Variants in MDGA2 observed in about 807,000 individuals in gnomAD.
MDGA2 encodes the protein MAM domain containing glycosylphosphatidylinositol anchor 2, also known as MAM domain-containing glycosylphosphatidylinositol anchor protein 2.
In MDGA2, 40 loss-of-function variants were observed where a neutral mutation model predicts 117.8. The ratio of observed to expected loss-of-function variants is 0.34; its 90% CI spans 0.26 to 0.44. MDGA2 has a LOEUF of 0.44. Among genes scored for constraint, MDGA2 ranks in the 20% least tolerant of loss-of-function variants. MDGA2 has a pLI of 1.00. For synonymous variants in MDGA2, 452 were observed against 439.0 expected (o/e 1.03, Z -0.37); for missense variants, 1,123 against 1,250.6 (o/e 0.90, Z 1.54).
chr14:47,053,190 C>T (rs1889517641), intron 7 of MDGA2, among the ~76,000 whole-genome samples: 1 of 151,858 alleles, frequency 6.6e-6, no homozygotes, highest in Non-Finnish European at 1.5e-5. Context: ...ATCAGTCATT[C>T]TCATTTGCTT....
chr14:46,893,158 C>T (rs1882945715), intron 10 of MDGA2, among the ~76,000 whole-genome samples: 2 of 151,826 alleles, frequency 1.3e-5, no homozygotes, highest in Admixed American at 6.6e-5. Flanking sequence ...TTGAATATTA[C>T]CCAGCTTTAA....
At chr14:47,472,731 G>A (rs1488134639) in intron 1 of MDGA2, among the ~76,000 whole-genome samples, 1 of 152,134 alleles carries the variant, frequency 6.6e-6, no homozygotes, top group African/African-American at 2.4e-5. Flanking sequence ...TTTAATGCAA[G>A]AAGCTGTGGA....
chr14:47,593,445 G>A (rs574470405), intron 1 of MDGA2, among the ~76,000 whole-genome samples: 9 of 152,144 alleles, frequency 5.9e-5, no homozygotes, highest in South Asian at 4.1e-4. Context: ...TTCACGCCAC[G>A]CTATTCACAT....
chr14:47,170,929 T>C (rs1184043182), intron 3 of MDGA2, among the ~76,000 whole-genome samples: 2 of 152,170 alleles, frequency 1.3e-5, no homozygotes, highest in Admixed American at 1.3e-4. Flanking sequence ...AAACTTTAAA[T>C]GTTTCGCTTT....
intron 1 of MDGA2, among the ~76,000 whole-genome samples, chr14:47,673,541 G>C (rs1028939801): frequency 4.0e-5 from 6 of 151,822 alleles, no homozygotes; most frequent in African/African-American, 1.5e-4. Context: ...CCTCCCACCA[G>C]ACCTCAAAAA....
At chr14:46,940,162 T>TAC (rs1241731001) in intron 9 of MDGA2, among the ~76,000 whole-genome samples, 13 of 152,182 alleles carry the variant, frequency 8.5e-5, no homozygotes. Flanking sequence ...ATTTGCTATA[T>TAC]CACTATTTGA....
intron 8 of MDGA2, among the ~76,000 whole-genome samples, chr14:46,958,944 T>C (rs1885672793): frequency 6.6e-6 from 1 of 152,238 alleles, no homozygotes; most frequent in Admixed American, 6.5e-5. Context: ...GATATGTATC[T>C]ATTGGGCCAA....
At chr14:47,642,811 G>C (rs528315988) in intron 1 of MDGA2, among the ~76,000 whole-genome samples, 1 of 151,954 alleles carries the variant, frequency 6.6e-6, no homozygotes, top group Non-Finnish European at 1.5e-5. Context: ...TGGTTTATTC[G>C]CATTTCATCA....
At chr14:47,062,286 A>T (rs1195707097) in intron 6 of MDGA2, among the ~76,000 whole-genome samples, 1 of 152,016 alleles carries the variant, frequency 6.6e-6, no homozygotes, top group Non-Finnish European at 1.5e-5. Flanking sequence ...CAGACAGCTT[A>T]GAAAACAGGT....
At chr14:47,567,865 C>G (rs1382144618) in intron 1 of MDGA2, among the ~76,000 whole-genome samples, 3 of 152,086 alleles carry the variant, frequency 2.0e-5, no homozygotes, top group Non-Finnish European at 1.5e-5. Context: ...CTGAAATTCA[C>G]TATGAATTGT....
At chr14:47,025,095 AATT>A (rs748988972) in intron 8 of MDGA2, among the ~76,000 whole-genome samples, 2 of 152,176 alleles carry the variant, frequency 1.3e-5, no homozygotes, top group Non-Finnish European at 2.9e-5. Context: ...ATGAAACTAT[AATT>A]ATTATTATCA....
At chr14:47,459,851 G>A (rs1893446414) in intron 1 of MDGA2, among the ~76,000 whole-genome samples, 1 of 152,076 alleles carries the variant, frequency 6.6e-6, no homozygotes, top group South Asian at 2.1e-4. Context: ...ATGCTATGAA[G>A]TAGAATTATT....
chr14:47,127,534 G>C (rs1000016283), intron 5 of MDGA2, among the ~76,000 whole-genome samples: 1 of 152,096 alleles, frequency 6.6e-6, no homozygotes, highest in African/African-American at 2.4e-5. Flanking sequence ...AGTTACTGAA[G>C]AGTTGAATAG....
intron 2 of MDGA2, among the ~76,000 whole-genome samples, chr14:47,235,957 G>C (rs911946116): frequency 6.6e-6 from 1 of 151,952 alleles, no homozygotes; most frequent in East Asian, 1.9e-4. Flanking sequence ...CCAATGCGTG[G>C]GTCCAAGGGT....
chr14:46,941,574 G>A (rs1405562168), intron 9 of MDGA2, among the ~76,000 whole-genome samples: 2 of 152,106 alleles, frequency 1.3e-5, no homozygotes, highest in Non-Finnish European at 2.9e-5. Context: ...TTTGAGAGAT[G>A]GCTTTGATTC....
intron 8 of MDGA2, among the ~76,000 whole-genome samples, chr14:47,017,826 G>T (rs559104429): frequency 6.4e-4 from 97 of 152,150 alleles, no homozygotes; most frequent in African/African-American, 2.2e-3. Flanking sequence ...AAAACACATT[G>T]CAAGAAATGA....
chr14:47,507,858 T>C (rs1894548279), intron 1 of MDGA2, among the ~76,000 whole-genome samples: 1 of 152,184 alleles, frequency 6.6e-6, no homozygotes, highest in Admixed American at 6.5e-5. Flanking sequence ...TGGGTTACTC[T>C]TTATACTCTG....
intron 1 of MDGA2, among the ~76,000 whole-genome samples, chr14:47,674,012 C>T (rs922614715): frequency 2.0e-5 from 3 of 151,714 alleles, no homozygotes; most frequent in African/African-American, 4.8e-5. Context: ...CAGAACGCAA[C>T]TCAACTGTCA....
At chr14:46,905,118 C>T (rs533610035) in intron 10 of MDGA2, among the ~76,000 whole-genome samples, 1 of 152,298 alleles carries the variant, frequency 6.6e-6, no homozygotes, top group South Asian at 2.1e-4. Context: ...TCTTTTATTT[C>T]ATATTTCATT....
Sources: allele counts gnomAD v4.1 joint callset (sites outside exome capture counted in the v4.1 genomes callset), GRCh38; gene constraint gnomAD v4.1.1; transcripts MANE v1.5; gene names NCBI Gene and HGNC (gene_info 2026-07-23, HGNC 2026-07-21).